The following SMOC2 variants were observed in gnomAD, a reference collection of about 807,000 sequenced individuals.
SMOC2 encodes the protein SPARC-related modular calcium-binding protein 2.
In SMOC2, 39 loss-of-function variants were observed where a neutral mutation model predicts 61.4. The ratio of observed to expected loss-of-function variants is 0.64; its 90% CI spans 0.49 to 0.83. The LOEUF (loss-of-function observed/expected upper bound fraction) is 0.83, where lower values mean the gene tolerates loss of function less well. SMOC2 is among the 40% of genes least tolerant of loss of function. SMOC2 has a pLI of 0.00. For missense variants in SMOC2, 556 were observed against 592.9 expected (o/e 0.94, Z 0.65); for synonymous variants, 247 against 239.9 (o/e 1.03, Z -0.27).
intron 8 of SMOC2, 70 bp downstream of exon 8, chr6:168,599,074 A>G (rs1009809240): frequency 7.1e-7 from 1 of 1,398,944 alleles, no homozygotes; most frequent in Non-Finnish European, 9.7e-7. Flanking sequence ...GGAAAGCAGA[A>G]CCCCCACTTC....
intron 9 of SMOC2, among the ~76,000 whole-genome samples, chr6:168,614,668 C>T (rs79615344): frequency 0.14 from 4,059 of 28,490 alleles, 1 homozygote; most frequent in South Asian, 0.17. Flanking sequence ...AGGGCCTCTT[C>T]ACACCTACAG....
At chr6:168,618,245 A>G (rs578109195) in intron 9 of SMOC2, among the ~76,000 whole-genome samples, 1 of 152,370 alleles carries the variant, frequency 6.6e-6, no homozygotes, top group Admixed American at 6.5e-5. Context: ...AAACAAGCCG[A>G]TCATGATTAG....
At chr6:168,592,127 G>A (rs143655468) in intron 7 of SMOC2, among the ~76,000 whole-genome samples, 52 of 152,284 alleles carry the variant, frequency 3.4e-4, no homozygotes, top group African/African-American at 1.1e-3. Flanking sequence ...TGGTCCTGCC[G>A]GTGACTCCAC....
At chr6:168,547,467 T>TA (rs1166424242) in intron 6 of SMOC2, among the ~76,000 whole-genome samples, 2 of 151,996 alleles carry the variant, frequency 1.3e-5, no homozygotes, top group African/African-American at 2.4e-5. Context: ...AAGCTGCAGT[T>TA]ACGTGGGATG....
chr6:168,526,630 A>G (rs968335654), intron 3 of SMOC2, among the ~76,000 whole-genome samples, 178 bp downstream of exon 3: 4 of 152,164 alleles, frequency 2.6e-5, no homozygotes, highest in Non-Finnish European at 5.9e-5. Flanking sequence ...CTTGGCATAA[A>G]TAGACACATA....
At chr6:168,466,998 G>A (rs775005653) in intron 1 of SMOC2, among the ~76,000 whole-genome samples, 5 of 152,146 alleles carry the variant, frequency 3.3e-5, no homozygotes, top group Admixed American at 6.5e-5. Context: ...CACATCCTGC[G>A]GTCGGGCGAA....
intron 3 of SMOC2, 33 bp from the exon 4 acceptor site, chr6:168,527,595 G>A (rs764297086): frequency 4.5e-5 from 67 of 1,501,166 alleles, no homozygotes; most frequent in African/African-American, 6.9e-5. Context: ...CCACGGGCCC[G>A]GGAGGGCTTA....
At chr6:168,592,219 C>A (rs1350337703) in intron 7 of SMOC2, among the ~76,000 whole-genome samples, 1 of 152,232 alleles carries the variant, frequency 6.6e-6, no homozygotes, top group Non-Finnish European at 1.5e-5. Context: ...TCTTCAGTTT[C>A]ACTCAGTTCT....
intron 6 of SMOC2, among the ~76,000 whole-genome samples, chr6:168,548,770 C>G (rs777814399): frequency 6.6e-6 from 1 of 152,146 alleles, no homozygotes; most frequent in South Asian, 2.1e-4. Flanking sequence ...ATGAATCTTT[C>G]AACTGAGTGA....
intron 1 of SMOC2, among the ~76,000 whole-genome samples, chr6:168,450,556 T>G (rs748981297): frequency 6.6e-6 from 1 of 152,194 alleles, no homozygotes; most frequent in Non-Finnish European, 1.5e-5. Flanking sequence ...CTGGGTTCTC[T>G]CTTCCAGTAT....
At chr6:168,614,216 C>T (rs1785982562) in intron 9 of SMOC2, among the ~76,000 whole-genome samples, 1 of 80,992 alleles carries the variant, frequency 1.2e-5, no homozygotes, top group Admixed American at 1.3e-4. Flanking sequence ...CCTCTTCACA[C>T]CTACAGCCAG....
chr6:168,525,538 C>T (rs899058129), intron 2 of SMOC2, among the ~76,000 whole-genome samples: 38 of 152,304 alleles, frequency 2.5e-4, no homozygotes, highest in African/African-American at 8.2e-4. Context: ...TTAGATATGC[C>T]TGGAAGTCTA....
Position 168,476,165 on chromosome 6 carries a change from A to G in SMOC2, c.85-33750A>G, listed in dbSNP as rs973543536. 1.1e-4 allele frequency among the ~76,000 whole-genome samples: 17 copies of G among 152,158 alleles called. 2 individuals are homozygous for G. Among genetic ancestry groups the G allele is most frequent in the Non-Finnish European group, 1.5e-4 (10 of 68,010 alleles). On this transcript the variant is annotated intron_variant, in intron 1 of 12. Transcript: ENST00000356284. Reference sequence around the variant, plus strand: ...CCAACTGTGCAGAGGCAGTTGGGAAATACATGAGAGTCTTGGCTGCACTTT... The same window carrying G: ...CCAACTGTGCAGAGGCAGTTGGGAAGTACATGAGAGTCTTGGCTGCACTTT...
At position 168,608,151 on chromosome 6, in the gene SMOC2, C is replaced by G. The variant is rs201480157; in HGVS notation, c.825-6C>G. ...TCTCCTTCCCCCGCCTTCCCCCCGC[C>G]CATAGGTACGAGCAGCCGAAATGTG... On this transcript the variant is annotated splice_region_variant and splice_polypyrimidine_tract_variant and intron_variant, in intron 8 of 12. Transcript: ENST00000356284. The G allele has an allele frequency of 3.8e-5, 62 of 1,613,242 alleles. No individual in the cohort carries two copies. Among genetic ancestry groups the G allele is most frequent in the Admixed American group, 3.3e-5 (2 of 59,906 alleles).
chr6:168,598,676 C>A (rs1283013504), intron 7 of SMOC2, 142 bp from the exon 8 acceptor site: 4 of 892,380 alleles, frequency 4.5e-6, no homozygotes, highest in Non-Finnish European at 7.1e-6. Context: ...CCTGCTGTGC[C>A]CCCCACGCTG....
intron 8 of SMOC2, among the ~76,000 whole-genome samples, chr6:168,600,462 T>C (rs1335060755): frequency 6.8e-6 from 1 of 147,916 alleles, no homozygotes; most frequent in East Asian, 2.0e-4. Context: ...TTTCAACTGT[T>C]GGAAACTGGA....
Position 168,448,291 on chromosome 6 carries a change from T to C in SMOC2, c.84+6837T>C, listed in dbSNP as rs1781375683. 6.3e-5 allele frequency among the ~76,000 whole-genome samples: 8 copies of C among 126,448 alleles called. No individual in the cohort carries two copies. The Admixed American group carries it at 7.0e-4, about 11-fold the overall frequency. 83.0% of individuals were successfully genotyped at this position (126,448 alleles called of 152,430 possible). A position where few individuals can be genotyped will look rare whatever the true frequency, so the allele number is the denominator to read the frequency against. The stretch of plus-strand genomic sequence containing the variant: ...GCTTTCAGGAGCAAAGCAGAAGGTG[T>C]GGAACCACTCCCAGGAGGCTGGGGA... On this transcript the variant is annotated intron_variant, in intron 1 of 12. Transcript: ENST00000356284.
At chr6:168,562,775 G>T (rs1165836631) in intron 7 of SMOC2, among the ~76,000 whole-genome samples, 1 of 152,192 alleles carries the variant, frequency 6.6e-6, no homozygotes, top group African/African-American at 2.4e-5. Context: ...TCACGTGATG[G>T]TCCTGCCCCG....
chr6:168,516,545 G>A (rs1188895034), intron 2 of SMOC2, among the ~76,000 whole-genome samples: 1 of 152,104 alleles, frequency 6.6e-6, no homozygotes, highest in Non-Finnish European at 1.5e-5. Flanking sequence ...TTCACCTGTC[G>A]CTCTGTGCAT....
Sources: allele counts gnomAD v4.1 joint callset (sites outside exome capture counted in the v4.1 genomes callset), GRCh38; gene constraint gnomAD v4.1.1; transcripts MANE v1.5; gene names NCBI Gene and HGNC (gene_info 2026-07-23, HGNC 2026-07-21).